Variants in BCAS3 observed in about 807,000 individuals in gnomAD.
BCAS3 encodes BCAS3 microtubule associated cell migration factor.
A neutral mutation model predicts 116.1 loss-of-function variants in BCAS3; 53 were observed. The ratio of observed to expected loss-of-function variants is 0.46; its 90% CI spans 0.37 to 0.57. BCAS3 has a LOEUF of 0.57. Ranked by LOEUF, BCAS3 falls within the 20% of genes least tolerant of loss-of-function variation. The pLI is 0.00. For synonymous variants in BCAS3, 391 were observed against 408.2 expected, an observed-to-expected ratio of 0.96 and a Z score of 0.51; for missense variants, 917 against 1,165.4, an observed-to-expected ratio of 0.79 and a Z score of 3.10.
chr17:60,891,708 T>A (rs1480387559), intron 10 of BCAS3: 1 of 456,024 alleles, frequency 2.2e-6, no homozygotes, highest in Non-Finnish European at 4.4e-6. Flanking sequence ...TACACAGGTA[T>A]ATTGTGTAAG....
rs1213109044 is a variant in BCAS3 at position 61,208,513 on chromosome 17, C to T, written c.2425+123949C>T. 6.6e-6 allele frequency among the ~76,000 whole-genome samples: 1 copy of T among 152,096 alleles called. No individual in the cohort carries two copies. The highest frequency in any genetic ancestry group is 6.6e-5 in the Admixed American group (1 of 15,262). On this transcript the variant is annotated intron_variant, in intron 22 of 23. Coordinates refer to ENST00000407086, the MANE Select transcript of BCAS3 (RefSeq NM_017679.5). The surrounding 1 kb of genome is among the most constrained non-coding windows in gnomAD (Gnocchi z 4.5). ...TGTCCATAACAGCTTGAGTTTAACTCGAATCTCATTAGCTCAGCTTAATTT... is the reference window on the plus strand; with the variant it reads ...TGTCCATAACAGCTTGAGTTTAACTTGAATCTCATTAGCTCAGCTTAATTT...
chr17:61,138,857 A>T (rs1352626426), intron 22 of BCAS3, among the ~76,000 whole-genome samples: 2 of 152,048 alleles, frequency 1.3e-5, no homozygotes, highest in East Asian at 3.8e-4. Flanking sequence ...GTCTTGGAAT[A>T]TTTTTTTTCA....
chr17:60,994,097 A>G lies in BCAS3; in HGVS notation c.1486+3862A>G, dbSNP rs2063697074. ...TTTTTGTTATGAACATGGAAAATAC[A>G]TGACAAAAACATTAACAGTGCTTGT... On this transcript the variant is annotated intron_variant, in intron 15 of 23. Coordinates refer to ENST00000407086, the MANE Select transcript of BCAS3 (RefSeq NM_017679.5). The surrounding 1 kb of genome is among the most constrained non-coding windows in gnomAD (Gnocchi z 4.4). Among the ~76,000 whole-genome samples the G allele has an allele frequency of 6.6e-6, 1 of 152,108 alleles. No individual in the cohort carries two copies. Among genetic ancestry groups the G allele is most frequent in the East Asian group, 1.9e-4 (1 of 5,198 alleles).
At chr17:61,142,328 C>T (rs2076969095) in intron 22 of BCAS3, among the ~76,000 whole-genome samples, 1 of 152,146 alleles carries the variant, frequency 6.6e-6, no homozygotes, top group African/African-American at 2.4e-5. Flanking sequence ...CAGCGGCTTT[C>T]TTGATGCTAG....
At chr17:61,072,325 GT>G (rs1350146497) in intron 19 of BCAS3, among the ~76,000 whole-genome samples, 1 of 152,074 alleles carries the variant, frequency 6.6e-6, no homozygotes, top group Non-Finnish European at 1.5e-5. Flanking sequence ...GACCAATCCT[GT>G]TTTCATCTGT....
intron 4 of BCAS3, among the ~76,000 whole-genome samples, chr17:60,697,909 A>G (rs547854642): frequency 5.3e-5 from 8 of 151,970 alleles, no homozygotes; most frequent in Non-Finnish European, 1.2e-4. Context: ...GCCGGGTACG[A>G]TGGCTCACGC....
In BCAS3 at chr17:61,344,279, A is replaced by G. The variant is rs1041402928; in HGVS notation, c.2426-24048A>G. 5.9e-5 allele frequency among the ~76,000 whole-genome samples: 9 copies of G among 152,090 alleles called. No homozygotes were observed. Among genetic ancestry groups the G allele is most frequent in the Admixed American group, 1.3e-4 (2 of 15,280 alleles). ...AAATCCCCTTGCTTTTAAAGAGCCA[A>G]CCTCTTACCAGTTGCTTCTCTTTTG... On this transcript the variant is annotated intron_variant, in intron 22 of 23. Transcript: ENST00000407086. The surrounding 1 kb of genome is among the most constrained non-coding windows in gnomAD (Gnocchi z 4.1).
intron 2 of BCAS3, among the ~76,000 whole-genome samples, chr17:60,680,954 T>C (rs879643837): frequency 6.6e-6 from 1 of 152,194 alleles, no homozygotes; most frequent in Admixed American, 6.6e-5. Flanking sequence ...GCCAAAGATA[T>C]GTATACTTGA....
chr17:60,690,812 C>T (rs2034707091), intron 4 of BCAS3, among the ~76,000 whole-genome samples: 1 of 145,478 alleles, frequency 6.9e-6, no homozygotes, highest in African/African-American at 2.5e-5. Flanking sequence ...CCTAGCTGCT[C>T]AGGAAGCTGA....
At chr17:60,725,092 G>T (rs2039683857) in intron 5 of BCAS3, among the ~76,000 whole-genome samples, 1 of 152,164 alleles carries the variant, frequency 6.6e-6, no homozygotes, top group African/African-American at 2.4e-5. Context: ...CTGGCCCAAA[G>T]CAGTCCATCT....
intron 10 of BCAS3, among the ~76,000 whole-genome samples, chr17:60,890,983 A>C (rs2057106566): frequency 6.6e-6 from 1 of 152,216 alleles, no homozygotes; most frequent in Non-Finnish European, 1.5e-5. Flanking sequence ...TTGAGATCTT[A>C]TCCATAAATC....
chr17:60,843,095 A>G (rs2052125627), intron 7 of BCAS3, among the ~76,000 whole-genome samples: 1 of 139,350 alleles, frequency 7.2e-6, no homozygotes, highest in Non-Finnish European at 1.5e-5. Context: ...GCTGATTTTT[A>G]TTTTTTATTT....
chr17:61,387,847 A>G lies in BCAS3; in HGVS notation c.2594-4130A>G, dbSNP rs2059933402. 6.6e-6 allele frequency among the ~76,000 whole-genome samples: 1 copy of G among 152,130 alleles called. No individual in the cohort carries two copies. ...GTTTTGCTCTCTGCAATGTGGGTAT[A>G]TAGCTCCCACCACCCAGGGGACCAC... On this transcript the variant is annotated intron_variant, in intron 23 of 23. Coordinates refer to ENST00000407086, the MANE Select transcript of BCAS3 (RefSeq NM_017679.5). This position sits in a 1 kb window ranked among gnomAD's most constrained non-coding sequence, Gnocchi z 6.2.
At chr17:60,710,600 T>G (rs1364228289) in intron 5 of BCAS3, among the ~76,000 whole-genome samples, 8 of 151,566 alleles carry the variant, frequency 5.3e-5, no homozygotes, top group Non-Finnish European at 1.2e-4. Context: ...CCTGGCTAAT[T>G]TTTTGTATTT....
intron 13 of BCAS3, among the ~76,000 whole-genome samples, chr17:60,933,526 C>A (rs1346749917): frequency 6.6e-6 from 1 of 151,954 alleles, no homozygotes; most frequent in East Asian, 1.9e-4. Flanking sequence ...AAATATGTAC[C>A]CCTTTAGATG....
chr17:61,166,276 T>C (rs1480471658), intron 22 of BCAS3, among the ~76,000 whole-genome samples: 2 of 152,162 alleles, frequency 1.3e-5, no homozygotes, highest in Admixed American at 6.5e-5. Context: ...AACTACTTAC[T>C]AGTTAAAAGG....
chr17:60,720,918 C>T (rs1217148512), intron 5 of BCAS3, among the ~76,000 whole-genome samples: 2 of 152,068 alleles, frequency 1.3e-5, no homozygotes, highest in Admixed American at 6.6e-5. Context: ...TGTGTATATG[C>T]GGTACTTCAA....
intron 5 of BCAS3, among the ~76,000 whole-genome samples, chr17:60,730,657 C>A (rs955435871): frequency 1.3e-5 from 2 of 152,080 alleles, no homozygotes; most frequent in African/African-American, 4.8e-5. Flanking sequence ...AAACTTTCCT[C>A]AAAGTATGCT....
chr17:60,948,427 ATATATT>A (rs1259936010), intron 14 of BCAS3, among the ~76,000 whole-genome samples: 9 of 152,116 alleles, frequency 5.9e-5, no homozygotes, highest in Middle Eastern at 6.8e-3. Flanking sequence ...CCTGGCCCAC[ATATATT>A]TAATATTCTT....
Sources: allele counts gnomAD v4.1 joint callset (sites outside exome capture counted in the v4.1 genomes callset), GRCh38; gene constraint gnomAD v4.1.1; non-coding constraint Gnocchi (gnomAD v3.1); transcripts MANE v1.5; gene names NCBI Gene and HGNC (gene_info 2026-07-23, HGNC 2026-07-21).